The following EPHB1 variants were observed in gnomAD, a reference collection of about 807,000 sequenced individuals.
The protein encoded by EPHB1 is EPH receptor B1.
In EPHB1, 30 loss-of-function variants were observed where a neutral mutation model predicts 94.4. The observed-to-expected ratio is 0.32, with a 90% CI of 0.24 to 0.43. EPHB1 has a LOEUF of 0.43. Among genes scored for constraint, EPHB1 ranks in the 20% least tolerant of loss-of-function variants. The pLI is 1.00. For synonymous variants in EPHB1, 522 were observed against 489.1 expected (o/e 1.07, Z -0.89); for missense variants, 1,055 against 1,308.3 (o/e 0.81, Z 2.99).
At chr3:134,887,431 T>C (rs1245169565) in intron 1 of EPHB1, among the ~76,000 whole-genome samples, 1 of 152,208 alleles carries the variant, frequency 6.6e-6, no homozygotes, top group Non-Finnish European at 1.5e-5. Context: ...AATATCATTT[T>C]TGGAGGGAAG....
intron 4 of EPHB1, among the ~76,000 whole-genome samples, chr3:135,118,628 A>G (rs1426058668): frequency 1.3e-5 from 2 of 152,144 alleles, no homozygotes; most frequent in Non-Finnish European, 2.9e-5. Flanking sequence ...CTCTGATGTG[A>G]CCTGGCACAA....
chr3:134,891,324 C>T (rs369495874), intron 1 of EPHB1, among the ~76,000 whole-genome samples: 17 of 152,226 alleles, frequency 1.1e-4, no homozygotes, highest in African/African-American at 3.4e-4. Flanking sequence ...TGCCCAGTCT[C>T]GTCTTGAACT....
At chr3:135,183,384 C>T (rs751464454) in intron 10 of EPHB1, among the ~76,000 whole-genome samples, 1 of 151,996 alleles carries the variant, frequency 6.6e-6, no homozygotes, top group Non-Finnish European at 1.5e-5. Flanking sequence ...AACTACCCTG[C>T]ACCAGCTAAA....
intron 2 of EPHB1, among the ~76,000 whole-genome samples, chr3:134,941,752 GACACACACACACACACACACAC>G (rs3067391): frequency 2.2e-5 from 3 of 134,798 alleles, no homozygotes; most frequent in South Asian, 5.0e-4. Context: ...TATGCACACA[GACACACACACACACACACACAC>G]ACACACACAC....
chr3:135,160,310 G>A lies in EPHB1; in HGVS notation c.1423-1708G>A, dbSNP rs867961864. Among the ~76,000 whole-genome samples, 11 of 152,092 alleles carry A rather than the reference G, an allele frequency of 7.2e-5. No homozygotes were observed. The South Asian group carries it at 1.0e-3, about 14-fold the overall frequency. ...TAGGCTTTTATATATTTTAAACAAT[G>A]GGAATTTCTTATCACTGTACTGTAT... On this transcript the variant is annotated intron_variant, in intron 6 of 15. Coordinates refer to ENST00000398015, the MANE Select transcript of EPHB1 (RefSeq NM_004441.5).
chr3:135,217,446 ACACACACACACACACACACACG>A (rs1173392003), intron 12 of EPHB1, among the ~76,000 whole-genome samples: 3 of 147,622 alleles, frequency 2.0e-5, no homozygotes, highest in Non-Finnish European at 4.5e-5. Context: ...ACACACACAC[ACACACACACACACACACACACG>A]CACACGGGGA....
At chr3:135,145,467 CTT>C (rs1432809623) in intron 5 of EPHB1, among the ~76,000 whole-genome samples, 1 of 152,170 alleles carries the variant, frequency 6.6e-6, no homozygotes, top group Non-Finnish European at 1.5e-5. Context: ...TCTCTATAAA[CTT>C]TTCAGAGTCT....
At chr3:135,034,942 A>G (rs1354855031) in intron 3 of EPHB1, among the ~76,000 whole-genome samples, 2 of 152,238 alleles carry the variant, frequency 1.3e-5, no homozygotes, top group African/African-American at 4.8e-5. Context: ...TGTCATCTGG[A>G]GCTGAAGAAG....
intron 1 of EPHB1, among the ~76,000 whole-genome samples, chr3:134,838,086 G>A (rs1012677371): frequency 7.9e-5 from 12 of 152,260 alleles, no homozygotes; most frequent in African/African-American, 2.9e-4. Context: ...CATGGGTCTT[G>A]GGCCATGCCC....
At chr3:135,154,427 G>A in intron 6 of EPHB1, 151 bp downstream of exon 6, 4 of 1,109,528 alleles carry the variant, frequency 3.6e-6, no homozygotes, top group South Asian at 1.7e-5. Flanking sequence ...AGTTCTCCAG[G>A]TCTGCCCTGA....
At chr3:134,873,985 AC>A (rs1258958328) in intron 1 of EPHB1, among the ~76,000 whole-genome samples, 2 of 152,046 alleles carry the variant, frequency 1.3e-5, no homozygotes, top group Non-Finnish European at 2.9e-5. Flanking sequence ...AAAAATGTTG[AC>A]ATAAGCAGAA....
chr3:134,877,239 G>C (rs1031367920), intron 1 of EPHB1, among the ~76,000 whole-genome samples: 8 of 152,210 alleles, frequency 5.3e-5, no homozygotes, highest in Non-Finnish European at 8.8e-5. Flanking sequence ...GGCCAAGAAA[G>C]TCATGTCACA....
At chr3:134,937,540 A>C (rs992526250) in intron 2 of EPHB1, among the ~76,000 whole-genome samples, 2 of 152,240 alleles carry the variant, frequency 1.3e-5, no homozygotes, top group Admixed American at 6.5e-5. Context: ...AAACTTCCCA[A>C]GCTCATGGAA....
At chr3:134,904,464 T>TGTCTGTGGTCTGTG (rs145249963) in intron 1 of EPHB1, among the ~76,000 whole-genome samples, 3 of 151,608 alleles carry the variant, frequency 2.0e-5, no homozygotes, top group East Asian at 1.9e-4. Context: ...TGGGCCAGTG[T>TGTCTGTGGTCTGTG]GTCTGTGGTC....
chr3:135,088,678 A>G (rs1258199331), intron 3 of EPHB1, among the ~76,000 whole-genome samples: 1 of 152,174 alleles, frequency 6.6e-6, no homozygotes, highest in Non-Finnish European at 1.5e-5. Context: ...AGAAGAGCTA[A>G]CTTTCTCCCA....
At chr3:135,204,824 A>G (rs1016617632) in intron 12 of EPHB1, among the ~76,000 whole-genome samples, 1 of 149,000 alleles carries the variant, frequency 6.7e-6, no homozygotes, top group African/African-American at 2.5e-5. Context: ...AAAATGTATA[A>G]TTGAATTATT....
At chr3:134,915,693 C>T (rs1263665986) in intron 1 of EPHB1, among the ~76,000 whole-genome samples, 1 of 152,114 alleles carries the variant, frequency 6.6e-6, no homozygotes, top group Non-Finnish European at 1.5e-5. Context: ...AAGCTGCAGA[C>T]CTTCGCAGTG....
At chr3:135,003,519 ACTTT>A in intron 3 of EPHB1, among the ~76,000 whole-genome samples, 1 of 148,340 alleles carries the variant, frequency 6.7e-6, no homozygotes, top group South Asian at 2.2e-4. Context: ...ATCCTTGTTG[ACTTT>A]CTGTCTCGTT....
intron 3 of EPHB1, among the ~76,000 whole-genome samples, chr3:135,052,716 C>T (rs1285974274): frequency 6.7e-6 from 1 of 150,116 alleles, no homozygotes; most frequent in South Asian, 2.1e-4. Flanking sequence ...AAAAAATTAG[C>T]CGGGCGTGTT....
Sources: gnomAD v4.1 joint callset for allele counts (sites outside exome capture counted in the v4.1 genomes callset) on GRCh38, gnomAD v4.1.1 for gene constraint, MANE v1.5 for transcripts, NCBI Gene and HGNC (gene_info 2026-07-23, HGNC 2026-07-21) for gene names.